RGL1: variants seen among roughly 807,000 people sequenced by gnomAD.
RGL1 encodes the protein ral guanine nucleotide dissociation stimulator like 1.
A neutral mutation model predicts 95.2 loss-of-function variants in RGL1; 24 were observed. That is an observed-to-expected ratio of 0.25 (90% CI 0.18 to 0.35). The LOEUF is 0.35. RGL1 is among the 10% of genes least tolerant of loss of function. The pLI is 1.00. For synonymous variants in RGL1, 329 were observed against 344.9 expected (o/e 0.95, Z 0.51); for missense variants, 715 against 936.3 (o/e 0.76, Z 3.08).
intron 1 of RGL1, among the ~76,000 whole-genome samples, chr1:183,685,422 A>G (rs11804300): frequency 0.081 from 12,322 of 152,218 alleles, 917 homozygotes; most frequent in African/African-American, 0.2. Flanking sequence ...CCATTTTAAG[A>G]CTTTGGGTTT....
chr1:183,758,481 G>A (rs1558191341), intron 2 of RGL1, among the ~76,000 whole-genome samples: 1 of 152,184 alleles, frequency 6.6e-6, no homozygotes, highest in Non-Finnish European at 1.5e-5. Context: ...ACAGGCATGA[G>A]CCACCGTGCC....
chr1:183,873,759 G>A (rs1176002262), intron 4 of RGL1, among the ~76,000 whole-genome samples: 1 of 152,124 alleles, frequency 6.6e-6, no homozygotes, highest in African/African-American at 2.4e-5. Flanking sequence ...CTTTATTATT[G>A]AATGAACACC....
chr1:183,881,551 G>A (rs1448153152), intron 5 of RGL1, among the ~76,000 whole-genome samples: 3 of 152,168 alleles, frequency 2.0e-5, no homozygotes, highest in Admixed American at 2.0e-4. Flanking sequence ...TCCTCTCACT[G>A]GGGTGCTGGG....
chr1:183,913,853 T>A (rs1441409354), intron 15 of RGL1, among the ~76,000 whole-genome samples: 1 of 152,226 alleles, frequency 6.6e-6, no homozygotes, highest in Non-Finnish European at 1.5e-5. Flanking sequence ...AATTTGCTGC[T>A]CTAGTTGGAT....
intron 2 of RGL1, among the ~76,000 whole-genome samples, chr1:183,829,261 G>C (rs1052325219): frequency 4.6e-5 from 7 of 151,964 alleles, no homozygotes; most frequent in African/African-American, 1.5e-4. Flanking sequence ...GCAATATAGT[G>C]AGACCTCGTC....
intron 2 of RGL1, among the ~76,000 whole-genome samples, chr1:183,775,558 G>T (rs1004144816): frequency 6.6e-6 from 1 of 152,172 alleles, no homozygotes; most frequent in Non-Finnish European, 1.5e-5. Context: ...GAAGAGAAAA[G>T]CCCATGGATT....
At chr1:183,913,785 A>G (rs1462264396) in intron 15 of RGL1, among the ~76,000 whole-genome samples, 1 of 152,246 alleles carries the variant, frequency 6.6e-6, no homozygotes, top group Non-Finnish European at 1.5e-5. Context: ...TGACTTTGTC[A>G]TAATGTAGCC....
chr1:183,818,497 C>A (rs1662234919), intron 2 of RGL1, among the ~76,000 whole-genome samples: 1 of 152,202 alleles, frequency 6.6e-6, no homozygotes. Flanking sequence ...TACTCTTCTA[C>A]TTTTCCCAAC....
At chr1:183,785,814 G>C (rs1010034982) in intron 2 of RGL1, among the ~76,000 whole-genome samples, 2 of 152,212 alleles carry the variant, frequency 1.3e-5, no homozygotes, top group Non-Finnish European at 1.5e-5. Context: ...GCCAGGTACA[G>C]TGGCTTACAC....
intron 1 of RGL1, among the ~76,000 whole-genome samples, chr1:183,685,528 T>C (rs1356319921): frequency 6.6e-6 from 1 of 152,234 alleles, no homozygotes; most frequent in Non-Finnish European, 1.5e-5. Context: ...TACATACAAT[T>C]ACATTAAATG....
intron 2 of RGL1, among the ~76,000 whole-genome samples, chr1:183,830,115 A>G (rs939737305): frequency 1.3e-5 from 2 of 152,200 alleles, no homozygotes; most frequent in East Asian, 3.8e-4. Flanking sequence ...GATTTGTGGC[A>G]AAGAAGTGAT....
At chr1:183,799,678 C>T (rs565061682) in intron 2 of RGL1, among the ~76,000 whole-genome samples, 7 of 152,250 alleles carry the variant, frequency 4.6e-5, no homozygotes, top group East Asian at 3.9e-4. Context: ...GAGTTGTATG[C>T]GTTCCTTATA....
At chr1:183,692,097 G>A (rs1653978666) in intron 1 of RGL1, among the ~76,000 whole-genome samples, 1 of 151,284 alleles carries the variant, frequency 6.6e-6, no homozygotes, top group African/African-American at 2.4e-5. Context: ...TACTTTTTGA[G>A]TTCTTAATAT....
intron 15 of RGL1, among the ~76,000 whole-genome samples, chr1:183,914,985 G>A (rs1466080538): frequency 6.6e-6 from 1 of 151,974 alleles, no homozygotes; most frequent in African/African-American, 2.4e-5. Context: ...ATTCATTTGG[G>A]AACATAAGGA....
chr1:183,639,590 T>C (rs1457587940), intron 1 of RGL1, among the ~76,000 whole-genome samples: 2 of 152,192 alleles, frequency 1.3e-5, no homozygotes, highest in South Asian at 4.1e-4. Context: ...CAGAATTTCA[T>C]TTTTTCTTTG....
At chr1:183,852,686 G>A (rs10911450) in intron 3 of RGL1, among the ~76,000 whole-genome samples, 121,279 of 151,974 alleles carry the variant, frequency 0.8, 48,535 homozygotes, top group Middle Eastern at 0.88. Flanking sequence ...GGTGGCAGGC[G>A]TCTGTAGTCC....
chr1:183,891,725 G>T (rs1032866922), intron 8 of RGL1, among the ~76,000 whole-genome samples: 2 of 144,748 alleles, frequency 1.4e-5, no homozygotes, highest in African/African-American at 5.1e-5. Context: ...GGCTCTGTGT[G>T]TGTAACAGTT....
Position 183,773,689 on chromosome 1 carries a change from G to C in RGL1, c.132+31400G>C, listed in dbSNP as rs111643436. ...GCCTGATGAAAAGAGTCCTTAGCAT[G>C]CAGGAGTCTTCCCACTCTGATTTAC... is the stretch of plus-strand genomic sequence containing the variant. On this transcript the variant is annotated intron_variant, in intron 2 of 18. Transcript: ENST00000304685. 6.6e-3 allele frequency among the ~76,000 whole-genome samples: 1,009 copies of C among 152,318 alleles called. 14 individuals carry two copies. The highest frequency in any genetic ancestry group is 0.024 in the African/African-American group (979 of 41,560).
intron 1 of RGL1, among the ~76,000 whole-genome samples, chr1:183,700,196 A>G (rs1654503519): frequency 6.6e-6 from 1 of 152,192 alleles, no homozygotes. Flanking sequence ...ATACTGCACC[A>G]CTAGCCACTT....
Sources: gnomAD v4.1 joint callset for allele counts (sites outside exome capture counted in the v4.1 genomes callset) on GRCh38, gnomAD v4.1.1 for gene constraint, MANE v1.5 for transcripts, NCBI Gene and HGNC (gene_info 2026-07-23, HGNC 2026-07-21) for gene names.